SNX2: variants seen among roughly 807,000 people sequenced by gnomAD.
The protein encoded by SNX2 is sorting nexin 2.
In SNX2, 25 loss-of-function variants were observed where a neutral mutation model predicts 69.9. The observed-to-expected ratio is 0.36, with a 90% confidence interval of 0.26 to 0.50. SNX2 has a LOEUF of 0.50. Among genes scored for constraint, SNX2 ranks in the 20% least tolerant of loss-of-function variants. The pLI is 0.97. For missense variants in SNX2, 551 were observed against 613.3 expected, an observed-to-expected ratio of 0.90 and a Z score of 1.07; for synonymous variants, 229 against 200.4, an observed-to-expected ratio of 1.14 and a Z score of -1.20.
chr5:122,803,802 C>T (rs577747464), intron 6 of SNX2, 189 bp downstream of exon 6: 3 of 497,436 alleles, frequency 6.0e-6, no homozygotes, highest in East Asian at 3.4e-5. Context: ...GTTTTATTTT[C>T]TAACACTTGA....
intron 6 of SNX2, among the ~76,000 whole-genome samples, chr5:122,806,142 G>GCGCACACGCACACACACACACACACACA: frequency 2.3e-5 from 3 of 130,656 alleles, no homozygotes; most frequent in East Asian, 4.3e-4. Flanking sequence ...ACACGCGCGC[G>GCGCACACGCACACACACACACACACACA]CACACACACA....
rs1159613535 is a variant in SNX2 at position 122,775,082 on chromosome 5, G to T, written c.-22G>T. Reference sequence around the variant, plus strand: ...GACGGGTCCGCGAGGCCCAGCTCGCGCAGTCGTTCGGGTGAGCGAAGATGG... The same window carrying T: ...GACGGGTCCGCGAGGCCCAGCTCGCTCAGTCGTTCGGGTGAGCGAAGATGG... On this transcript the variant is annotated 5_prime_UTR_variant, in exon 1 of 15. Transcript: ENST00000379516. 9 of 1,567,566 alleles carry T rather than the reference G, an allele frequency of 5.7e-6. 1 individual carries two copies. The East Asian group carries it at 1.4e-4, about 24-fold the overall frequency.
rs568601186 is a variant in SNX2, at chr5:122,775,514, C to T, written c.108+303C>T. On this transcript the variant is annotated intron_variant, in intron 1 of 14. Coordinates refer to ENST00000379516, the MANE Select transcript of SNX2 (RefSeq NM_003100.4). ...CTGGCCTTCCTCGGTGTCTCTTGCA[C>T]GTCCTCCTCTTCAAGCCGGAGAAGG... is the stretch of plus-strand genomic sequence containing the variant. 11 of 1,092,180 alleles carry T rather than the reference C, an allele frequency of 1.0e-5. No individual in the cohort carries two copies. The East Asian group carries it at 4.4e-4, about 44-fold the overall frequency. The allele number at this position is 1,092,180 out of a possible 1,614,324, so 67.7% of individuals were successfully genotyped here. A position where few individuals can be genotyped will look rare whatever the true frequency, so the allele number is the denominator to read the frequency against.
chr5:122,776,885 A>G (rs1292103038), intron 1 of SNX2, among the ~76,000 whole-genome samples: 1 of 152,172 alleles, frequency 6.6e-6, no homozygotes, highest in Non-Finnish European at 1.5e-5. Flanking sequence ...TAAGTCTGCA[A>G]AGTTTGATCA....
At chr5:122,800,299 A>C (rs913229444) in intron 3 of SNX2, among the ~76,000 whole-genome samples, 4 of 152,200 alleles carry the variant, frequency 2.6e-5, no homozygotes, top group Non-Finnish European at 5.9e-5. Flanking sequence ...ATTTCTGACA[A>C]GGTGAATTTG....
At chr5:122,801,606 A>C (rs1265232021) in intron 3 of SNX2, among the ~76,000 whole-genome samples, 1 of 21,970 alleles carries the variant, frequency 4.6e-5, no homozygotes, top group Non-Finnish European at 7.6e-5. Context: ...CTCTATCTTT[A>C]AAAAAAAAAA....
chr5:122,790,510 A>G (rs1260369193), intron 1 of SNX2, among the ~76,000 whole-genome samples: 1 of 152,238 alleles, frequency 6.6e-6, no homozygotes, highest in African/African-American at 2.4e-5. Context: ...ACTGCTCAGC[A>G]TCTGACAACC....
intron 1 of SNX2, among the ~76,000 whole-genome samples, chr5:122,787,043 A>T (rs1338892464): frequency 2.0e-5 from 3 of 152,176 alleles, no homozygotes; most frequent in Non-Finnish European, 4.4e-5. Context: ...ATCATGAAGA[A>T]CCTGTGTCAC....
intron 1 of SNX2, among the ~76,000 whole-genome samples, chr5:122,780,942 C>G (rs756218218): frequency 6.6e-6 from 1 of 151,928 alleles, no homozygotes; most frequent in South Asian, 2.1e-4. Flanking sequence ...AATTTCATTA[C>G]GAATTATCTA....
At chr5:122,811,084 C>T (rs1753765616) in intron 7 of SNX2, among the ~76,000 whole-genome samples, 2 of 152,174 alleles carry the variant, frequency 1.3e-5, no homozygotes, top group African/African-American at 4.8e-5. Flanking sequence ...GGATACCCAA[C>T]CCAGTTGGAT....
At chr5:122,779,405 T>C (rs1252446423) in intron 1 of SNX2, among the ~76,000 whole-genome samples, 1 of 152,214 alleles carries the variant, frequency 6.6e-6, no homozygotes, top group African/African-American at 2.4e-5. Flanking sequence ...TTTATATGAA[T>C]GGATCGTATA....
chr5:122,777,947 G>A (rs771125127), intron 1 of SNX2, among the ~76,000 whole-genome samples: 18 of 152,174 alleles, frequency 1.2e-4, no homozygotes, highest in Non-Finnish European at 2.5e-4. Flanking sequence ...CTATTTGGCT[G>A]TAATATTGTA....
chr5:122,819,905 T>G (rs1397477791), intron 11 of SNX2, among the ~76,000 whole-genome samples: 1 of 152,166 alleles, frequency 6.6e-6, no homozygotes, highest in Admixed American at 6.5e-5. Context: ...ACTGGTGACA[T>G]TTATTACTAG....
In SNX2 at chr5:122,830,261, G is replaced by GAAGCTTA. The variant is rs770955410; in HGVS notation, c.*615_*621dup. On this transcript the variant is annotated 3_prime_UTR_variant, in exon 15 of 15. Coordinates refer to ENST00000379516, the MANE Select transcript of SNX2 (RefSeq NM_003100.4). ...AGCTGAACTCATTAAATGACTAAAT[G>GAAGCTTA]AAGCTTAAGTTTTCTTATGAAACCA... Among the ~76,000 whole-genome samples, 150 of 152,224 alleles carry GAAGCTTA rather than the reference G, an allele frequency of 9.9e-4. No individual in the cohort carries two copies. Among genetic ancestry groups the GAAGCTTA allele is most frequent in the Admixed American group, 3.9e-3 (59 of 15,294 alleles).
Position 122,775,824 on chromosome 5 carries a change from T to C in SNX2, c.108+613T>C, listed in dbSNP as rs917006646. On this transcript the variant is annotated intron_variant, in intron 1 of 14. Coordinates refer to ENST00000379516, the MANE Select transcript of SNX2 (RefSeq NM_003100.4). ...CCTAGACTTTTAAAAGGTCATAGTA[T>C]TTATAAAATGTAAAGCTGAAGGCAG... The C allele has an allele frequency of 5.2e-6, 5 of 968,102 alleles. No homozygotes were observed. In the African/African-American group the frequency reaches 8.8e-5, roughly 17 times the overall value. 60.0% of individuals were successfully genotyped at this position (968,102 alleles called of 1,614,324 possible).
intron 5 of SNX2, among the ~76,000 whole-genome samples, chr5:122,802,660 G>A (rs1017523946): frequency 5.9e-5 from 9 of 152,198 alleles, no homozygotes; most frequent in Non-Finnish European, 1.3e-4. Flanking sequence ...GAGGGTCAAA[G>A]TAGAGGTCAG....
intron 11 of SNX2, among the ~76,000 whole-genome samples, chr5:122,824,696 C>T (rs1640361533): frequency 1.3e-5 from 2 of 152,140 alleles, no homozygotes; most frequent in South Asian, 4.1e-4. Flanking sequence ...GCTATTATCA[C>T]ATTTTTAAAA....
chr5:122,800,199 TAATA>T (rs1360050891), intron 3 of SNX2, among the ~76,000 whole-genome samples: 1 of 152,190 alleles, frequency 6.6e-6, no homozygotes, highest in Non-Finnish European at 1.5e-5. Context: ...ATAAAATTTG[TAATA>T]AATACTGTTA....
rs968149880 is a variant in SNX2, at chr5:122,799,570, T to G, written c.227-122T>G. 1.6e-5 allele frequency: 9 copies of G among 569,970 alleles called. No homozygotes were observed. The African/African-American group carries it at 1.8e-4, about 11-fold the overall frequency. The allele number at this position is 569,970 out of a possible 1,614,324, so 35.3% of individuals were successfully genotyped here. ...TTCCTTTGTGATAATTATTTTTAAATGACATTATTTTTATATTTGTGGGTA... is the reference window on the plus strand; with the variant it reads ...TTCCTTTGTGATAATTATTTTTAAAGGACATTATTTTTATATTTGTGGGTA... On this transcript the variant is annotated intron_variant, in intron 2 of 14. Coordinates refer to ENST00000379516, the MANE Select transcript of SNX2 (RefSeq NM_003100.4).
Sources: gnomAD v4.1 joint callset for allele counts (sites outside exome capture counted in the v4.1 genomes callset) on GRCh38, gnomAD v4.1.1 for gene constraint, MANE v1.5 for transcripts, NCBI Gene and HGNC (gene_info 2026-07-23, HGNC 2026-07-21) for gene names.